Variants in PLCE1 observed in about 807,000 individuals in gnomAD.
The protein encoded by PLCE1 is phospholipase C epsilon 1, also known as 1-phosphatidylinositol 4,5-bisphosphate phosphodiesterase epsilon-1.
In PLCE1, 119 loss-of-function variants were observed where a neutral mutation model predicts 242.8. The observed-to-expected ratio is 0.49, with a 90% confidence interval of 0.42 to 0.57. The LOEUF is 0.57. Among genes scored for constraint, PLCE1 ranks in the 20% least tolerant of loss-of-function variants. PLCE1 has a pLI of 0.00. For synonymous variants in PLCE1, 945 were observed against 1,017.4 expected (o/e 0.93, Z 1.35); for missense variants, 2,441 against 2,788.8 (o/e 0.88, Z 2.81).
At chr10:94,221,883 C>T (rs1426781999) in intron 4 of PLCE1, among the ~76,000 whole-genome samples, 1 of 152,198 alleles carries the variant, frequency 6.6e-6, no homozygotes, top group Non-Finnish European at 1.5e-5. Context: ...AAAACTTCTG[C>T]TTGGCATTTT....
At chr10:94,132,660 A>C in intron 3 of PLCE1, among the ~76,000 whole-genome samples, 1 of 151,664 alleles carries the variant, frequency 6.6e-6, no homozygotes, top group South Asian at 2.1e-4. Flanking sequence ...GTAATCATTA[A>C]GATTTTGAGG....
At chr10:94,227,645 G>A (rs1266759245) in intron 5 of PLCE1, among the ~76,000 whole-genome samples, 194 bp downstream of exon 5, 1 of 152,186 alleles carries the variant, frequency 6.6e-6, no homozygotes, top group African/African-American at 2.4e-5. Flanking sequence ...AGCCCCTGTG[G>A]GCCAGTCACA....
chr10:94,143,520 A>G (rs1446691857), intron 3 of PLCE1, among the ~76,000 whole-genome samples: 2 of 152,224 alleles, frequency 1.3e-5, no homozygotes, highest in African/African-American at 4.8e-5. Flanking sequence ...AACATAATAA[A>G]ATGCTTATAA....
At chr10:94,205,498 T>A (rs986004280) in intron 4 of PLCE1, among the ~76,000 whole-genome samples, 12 of 152,240 alleles carry the variant, frequency 7.9e-5, no homozygotes, top group African/African-American at 2.2e-4. Flanking sequence ...GCCCTGTCAC[T>A]TAGACATTGC....
At chr10:94,235,403 C>G (rs1160750634) in intron 6 of PLCE1, among the ~76,000 whole-genome samples, 2 of 152,188 alleles carry the variant, frequency 1.3e-5, no homozygotes, top group Non-Finnish European at 2.9e-5. Context: ...GAGAAGCTTC[C>G]TAATCAACTG....
rs1017859600 is a variant in PLCE1 at position 94,329,227 on chromosome 10, G to A, written c.*1284G>A. The A allele has an allele frequency of 6.6e-6, 1 of 152,122 alleles. No individual in the cohort carries two copies. The highest frequency in any genetic ancestry group is 2.4e-5 in the African/African-American group (1 of 41,424). 9.4% of individuals were successfully genotyped at this position (152,122 alleles called of 1,614,324 possible). A position where few individuals can be genotyped will look rare whatever the true frequency, so the allele number is the denominator to read the frequency against. ...ATGTAAATTATTTTTAAACTTTGCT[G>A]TACAAAACCATTAAGTGTAAAGGAT... On this transcript the variant is annotated 3_prime_UTR_variant, in exon 33 of 33. Coordinates refer to ENST00000371380, the MANE Select transcript of PLCE1 (RefSeq NM_016341.4).
intron 1 of PLCE1, among the ~76,000 whole-genome samples, chr10:93,997,632 CTTTT>C (rs34338995): frequency 5.0e-5 from 4 of 79,868 alleles, no homozygotes; most frequent in Admixed American, 1.5e-4. Context: ...AATAACCATC[CTTTT>C]TTTTTTTTTT....
At chr10:94,160,558 A>G (rs1433783582) in intron 3 of PLCE1, among the ~76,000 whole-genome samples, 1 of 152,100 alleles carries the variant, frequency 6.6e-6, no homozygotes, top group Non-Finnish European at 1.5e-5. Context: ...ATTTTCTCCC[A>G]TTCTGCAGGT....
intron 2 of PLCE1, 33 bp from the exon 3 acceptor site, chr10:94,132,141 A>G (rs761845759): frequency 1.4e-5 from 23 of 1,607,134 alleles, no homozygotes; most frequent in Non-Finnish European, 1.9e-5. Flanking sequence ...AAGAAACTAG[A>G]TTAATACTTC....
intron 4 of PLCE1, among the ~76,000 whole-genome samples, chr10:94,172,972 G>A (rs561485164): frequency 3.9e-5 from 6 of 152,310 alleles, no homozygotes; most frequent in Admixed American, 3.3e-4. Flanking sequence ...GAGCTCAAGC[G>A]GTTCTGTATC....
intron 2 of PLCE1, among the ~76,000 whole-genome samples, chr10:94,110,058 C>CTTTCTT (rs2045898182): frequency 1.3e-5 from 1 of 75,886 alleles, no homozygotes; most frequent in Non-Finnish European, 2.3e-5. Context: ...TTTCTTTTTT[C>CTTTCTT]TTTTTTTTTT....
intron 7 of PLCE1, among the ~76,000 whole-genome samples, chr10:94,241,677 C>T (rs1341159356): frequency 6.6e-6 from 1 of 151,726 alleles, no homozygotes; most frequent in Non-Finnish European, 1.5e-5. Context: ...GTAATCCCAA[C>T]TACTCAGGAG....
intron 18 of PLCE1, among the ~76,000 whole-genome samples, chr10:94,272,280 GT>G (rs1408458674): frequency 6.6e-6 from 1 of 152,054 alleles, no homozygotes; most frequent in Non-Finnish European, 1.5e-5. Context: ...TTTTCCTAGG[GT>G]CTTAATATTA....
At chr10:94,069,286 G>A (rs960300688) in intron 2 of PLCE1, among the ~76,000 whole-genome samples, 1 of 152,158 alleles carries the variant, frequency 6.6e-6, no homozygotes, top group East Asian at 1.9e-4. Context: ...ATGGAATTGA[G>A]GTCAAGATCC....
chr10:94,171,630 T>G, intron 4 of PLCE1, 134 bp downstream of exon 4: 6 of 764,384 alleles, frequency 7.8e-6, no homozygotes, highest in Non-Finnish European at 1.2e-5. Context: ...GATGGCTGTT[T>G]TTCTTTCCAG....
intron 2 of PLCE1, among the ~76,000 whole-genome samples, chr10:94,067,401 C>CCTG (rs1374328678): frequency 2.0e-5 from 3 of 152,192 alleles, no homozygotes; most frequent in Non-Finnish European, 4.4e-5. Context: ...CCCCAAACAT[C>CCTG]CTGAACCCAG....
chr10:94,059,378 G>A (rs2043987316), intron 2 of PLCE1, among the ~76,000 whole-genome samples: 3 of 152,150 alleles, frequency 2.0e-5, no homozygotes, highest in Admixed American at 2.0e-4. Flanking sequence ...TGTAGAGGAA[G>A]GGTTATTGGA....
chr10:94,254,055 G>A (rs1030761048), intron 9 of PLCE1, 135 bp from the exon 10 acceptor site: 4 of 765,902 alleles, frequency 5.2e-6, no homozygotes. Flanking sequence ...CAGCCTTAAT[G>A]TAGGTCTTTA....
chr10:94,067,714 G>A (rs1165194273), intron 2 of PLCE1, among the ~76,000 whole-genome samples: 1 of 152,190 alleles, frequency 6.6e-6, no homozygotes, highest in Non-Finnish European at 1.5e-5. Flanking sequence ...GAAATTAGTG[G>A]AAAGAGTCAT....
Sources: allele counts gnomAD v4.1 joint callset (sites outside exome capture counted in the v4.1 genomes callset), GRCh38; gene constraint gnomAD v4.1.1; transcripts MANE v1.5; gene names NCBI Gene and HGNC (gene_info 2026-07-23, HGNC 2026-07-21).